The following SYN3 variants were observed in gnomAD, a reference collection of about 807,000 sequenced individuals.
SYN3 encodes synapsin III, also known as synapsin-3.
Under a neutral mutation model 65.8 loss-of-function variants are expected in SYN3, and 35 were observed. The observed-to-expected ratio is 0.53, with a 90% CI of 0.41 to 0.70. SYN3 has a LOEUF of 0.70. SYN3 is among the 30% of genes least tolerant of loss of function. The probability of loss-of-function intolerance (pLI) is 0.00; values close to 1 mark genes in which losing one functional copy is unlikely to be tolerated. For synonymous variants in SYN3, 270 were observed against 292.9 expected (o/e 0.92, Z 0.80); for missense variants, 680 against 749.0 (o/e 0.91, Z 1.08).
intron 6 of SYN3, among the ~76,000 whole-genome samples, chr22:32,717,633 C>T (rs966708778): frequency 2.0e-5 from 3 of 152,114 alleles, no homozygotes; most frequent in African/African-American, 4.8e-5. Flanking sequence ...GGCCAGGAAG[C>T]GGCTGGCAAG....
intron 6 of SYN3, among the ~76,000 whole-genome samples, chr22:32,739,196 TA>T (rs2061372122): frequency 6.6e-6 from 1 of 150,616 alleles, no homozygotes; most frequent in African/African-American, 2.4e-5. Context: ...GTTTCCCCCA[TA>T]CTGTTCTCGT....
chr22:32,998,791 A>AAAAAAAAAAC (rs1569393622), intron 2 of SYN3, among the ~76,000 whole-genome samples: 6 of 142,326 alleles, frequency 4.2e-5, no homozygotes, highest in East Asian at 2.0e-4. Context: ...AAAAAAAAAA[A>AAAAAAAAAAC]AAAAAAAACA....
At chr22:32,813,914 C>T (rs2046984286) in intron 6 of SYN3, among the ~76,000 whole-genome samples, 3 of 152,122 alleles carry the variant, frequency 2.0e-5, no homozygotes, top group South Asian at 4.1e-4. Context: ...GGCTCATTGC[C>T]TGGCATGTAG....
At position 32,541,860 on chromosome 22, in the gene SYN3, C is replaced by A. The variant is rs1370588875; in HGVS notation, c.775-147G>T. On this transcript the variant is annotated intron_variant, in intron 7 of 13. Transcript: ENST00000358763. ...GGGGAGACAGACACGGGAAGCAAAT[C>A]ATTCCACCACACACCGCACGAGCTG... is the stretch of plus-strand genomic sequence containing the variant. 8 of 901,790 alleles carry A rather than the reference C, an allele frequency of 8.9e-6. No individual in the cohort carries two copies. The East Asian group carries it at 1.3e-4, about 15-fold the overall frequency. The allele number at this position is 901,790 out of a possible 1,614,324, so 55.9% of individuals were successfully genotyped here. A position where few individuals can be genotyped will look rare whatever the true frequency, so the allele number is the denominator to read the frequency against.
chr22:32,625,577 C>T (rs758641691), intron 6 of SYN3, among the ~76,000 whole-genome samples: 4 of 152,220 alleles, frequency 2.6e-5, no homozygotes, highest in Non-Finnish European at 1.5e-5. Flanking sequence ...CATCCTTCTT[C>T]TTTCTTCACA....
chr22:32,728,576 C>T (rs879763388), intron 6 of SYN3, among the ~76,000 whole-genome samples: 4 of 152,210 alleles, frequency 2.6e-5, no homozygotes, highest in Admixed American at 2.6e-4. Context: ...CAATCAGACA[C>T]CGAAAGAGAC....
chr22:32,620,529 T>G (rs1225385593), intron 6 of SYN3, among the ~76,000 whole-genome samples: 2 of 152,024 alleles, frequency 1.3e-5, no homozygotes, highest in East Asian at 3.9e-4. Flanking sequence ...CCTGGAGTGG[T>G]GGGGACTGGG....
chr22:32,887,596 C>T (rs535415715), intron 4 of SYN3, among the ~76,000 whole-genome samples: 47 of 152,266 alleles, frequency 3.1e-4, no homozygotes, highest in Admixed American at 7.8e-4. Flanking sequence ...CCATGCCCAG[C>T]CCCTGGCCCC....
At chr22:32,823,050 A>G (rs1345123138) in intron 6 of SYN3, among the ~76,000 whole-genome samples, 1 of 152,218 alleles carries the variant, frequency 6.6e-6, no homozygotes, top group East Asian at 1.9e-4. Context: ...GATGATTTTA[A>G]TTTGATCCAG....
At chr22:32,757,455 G>A (rs1283883983) in intron 6 of SYN3, among the ~76,000 whole-genome samples, 4 of 152,146 alleles carry the variant, frequency 2.6e-5, no homozygotes, top group South Asian at 4.2e-4. Context: ...GCGCCACCAC[G>A]CCCAGCTAAT....
intron 1 of SYN3, among the ~76,000 whole-genome samples, chr22:33,033,604 C>T (rs2145906836): frequency 6.6e-6 from 1 of 152,290 alleles, no homozygotes; most frequent in East Asian, 1.9e-4. Flanking sequence ...CTGCCTCACC[C>T]AGGGCCTGCA....
intron 2 of SYN3, among the ~76,000 whole-genome samples, chr22:32,997,147 G>A (rs529828286): frequency 6.6e-6 from 1 of 152,188 alleles, no homozygotes; most frequent in Non-Finnish European, 1.5e-5. Flanking sequence ...GATGTCAGTA[G>A]CATTTGCTTT....
chr22:32,681,490 C>T (rs545398033), intron 6 of SYN3, among the ~76,000 whole-genome samples: 3 of 152,322 alleles, frequency 2.0e-5, no homozygotes, highest in East Asian at 3.9e-4. Flanking sequence ...CCATGGAACA[C>T]ACATATGATC....
At chr22:32,745,711 C>T (rs1020928789) in intron 6 of SYN3, among the ~76,000 whole-genome samples, 5 of 152,072 alleles carry the variant, frequency 3.3e-5, no homozygotes, top group Non-Finnish European at 7.4e-5. Flanking sequence ...GAAACGGACA[C>T]GTACACCCAG....
At chr22:32,708,675 G>T (rs531507911) in intron 6 of SYN3, among the ~76,000 whole-genome samples, 10 of 152,258 alleles carry the variant, frequency 6.6e-5, no homozygotes, top group African/African-American at 2.4e-4. Context: ...GGAACTCTGG[G>T]GTCCCCTCTG....
chr22:32,743,720 C>T (rs918471812), intron 6 of SYN3, among the ~76,000 whole-genome samples: 4 of 152,126 alleles, frequency 2.6e-5, no homozygotes, highest in East Asian at 1.9e-4. Context: ...CTTGAAGGCC[C>T]GCCTGGGAGG....
intron 6 of SYN3, among the ~76,000 whole-genome samples, chr22:32,797,658 C>A (rs2046461112): frequency 6.6e-6 from 1 of 152,206 alleles, no homozygotes; most frequent in African/African-American, 2.4e-5. Flanking sequence ...GCATCACAAT[C>A]TTCTCTGAAA....
chr22:32,605,120 C>T (rs1439822225), intron 6 of SYN3, among the ~76,000 whole-genome samples: 1 of 151,856 alleles, frequency 6.6e-6, no homozygotes, highest in African/African-American at 2.4e-5. Flanking sequence ...TTTACCACTG[C>T]GTCTCTAGAC....
Position 32,759,741 on chromosome 22 carries a change from C to T in SYN3, c.711+105174G>A, listed in dbSNP as rs1228060127. 1.3e-3 allele frequency among the ~76,000 whole-genome samples: 136 copies of T among 107,638 alleles called. 1 individual carries two copies. The highest frequency in any genetic ancestry group is 4.3e-3 in the African/African-American group (125 of 28,930). 70.6% of individuals were successfully genotyped at this position (107,638 alleles called of 152,430 possible). A position where few individuals can be genotyped will look rare whatever the true frequency, so the allele number is the denominator to read the frequency against. On this transcript the variant is annotated intron_variant, in intron 6 of 13. Transcript: ENST00000358763. ...CACCATCAGCCAGCACCCACCCACC[C>T]CCAGCCAGCACCCACCCAGCCCCAG... is the stretch of plus-strand genomic sequence containing the variant.
Sources: gnomAD v4.1 joint callset for allele counts (sites outside exome capture counted in the v4.1 genomes callset) on GRCh38, gnomAD v4.1.1 for gene constraint, MANE v1.5 for transcripts, NCBI Gene and HGNC (gene_info 2026-07-23, HGNC 2026-07-21) for gene names.